Variants in LRP1B observed in about 807,000 individuals in gnomAD.
LRP1B encodes the protein LDL receptor related protein 1B.
LRP1B carries 217 observed loss-of-function variants against 556.6 expected under a neutral mutation model. That is an observed-to-expected ratio of 0.39 (90% CI 0.35 to 0.44). LRP1B has a LOEUF of 0.44. Among genes scored for constraint, LRP1B ranks in the 20% least tolerant of loss-of-function variants. The pLI, the probability that LRP1B is intolerant of heterozygous loss-of-function variation, is 1.00. For missense variants in LRP1B, 5,053 were observed against 5,620.8 expected (o/e 0.90, Z 3.23); for synonymous variants, 2,047 against 1,865.8 (o/e 1.10, Z -2.50).
intron 7 of LRP1B, among the ~76,000 whole-genome samples, chr2:141,090,934 T>C (rs1700156656): frequency 6.6e-6 from 1 of 152,208 alleles, no homozygotes; most frequent in African/African-American, 2.4e-5. Context: ...GAAGAAATGA[T>C]AAAAGGTTGT....
chr2:141,621,795 G>T (rs1209878711), intron 2 of LRP1B, among the ~76,000 whole-genome samples: 1 of 152,102 alleles, frequency 6.6e-6, no homozygotes, highest in Non-Finnish European at 1.5e-5. Flanking sequence ...GATTTTAGAG[G>T]AATAAGAAAA....
chr2:141,816,550 T>G (rs895428084), intron 1 of LRP1B, among the ~76,000 whole-genome samples: 1 of 152,156 alleles, frequency 6.6e-6, no homozygotes, highest in Non-Finnish European at 1.5e-5. Flanking sequence ...CACTATCAGC[T>G]TCCCTACTTT....
chr2:140,465,141 G>A (rs1054355811), intron 60 of LRP1B, among the ~76,000 whole-genome samples: 1 of 152,088 alleles, frequency 6.6e-6, no homozygotes, highest in African/African-American at 2.4e-5. Context: ...CATGACAGAG[G>A]AAGAAGGGGG....
intron 75 of LRP1B, among the ~76,000 whole-genome samples, chr2:140,354,594 T>C (rs193168218): frequency 5.4e-4 from 82 of 152,178 alleles, no homozygotes; most frequent in African/African-American, 1.9e-3. Flanking sequence ...CACTATGGTT[T>C]CCCTTTGGTA....
intron 35 of LRP1B, among the ~76,000 whole-genome samples, chr2:140,730,385 C>T (rs1687736809): frequency 6.6e-6 from 1 of 152,106 alleles, no homozygotes; most frequent in Non-Finnish European, 1.5e-5. Flanking sequence ...AGCATCCAAA[C>T]TTTTTTGATG....
intron 3 of LRP1B, among the ~76,000 whole-genome samples, chr2:141,421,890 T>C (rs906874477): frequency 3.3e-5 from 5 of 152,320 alleles, no homozygotes; most frequent in African/African-American, 1.2e-4. Flanking sequence ...CCTCAGTTTT[T>C]CCCAATTGAA....
At position 141,229,240 on chromosome 2, in the gene LRP1B, T is replaced by C; in HGVS notation, c.793A>G (p.Thr265Ala). 6.2e-7 allele frequency: 1 copy of C among 1,612,720 alleles called. No individual in the cohort carries two copies. Among genetic ancestry groups the C allele is most frequent in the Non-Finnish European group, 8.5e-7 (1 of 1,178,926 alleles). Residue 265 changes from threonine (T) to alanine (A), a missense_variant, in exon 6 of 91, where the codon ACA becomes GCA. Physicochemically the swap from Thr to Ala is moderately conservative, Grantham distance 58 (BLOSUM62 0). This residue lies in a region of LRP1B where 3,619 missense variants were observed against 3,931.9 expected (regional missense o/e 0.92). Transcript: ENST00000389484. ...TCATCTGTTAATCCTCCTGCTTTTG[T>C]TATCTGGATACATTTGAGTTGATTT... ...SSNQLKCIQI[T>A]KAGGLTDEWT...
At chr2:140,603,770 C>G (rs990178562) in intron 41 of LRP1B, among the ~76,000 whole-genome samples, 4 of 152,040 alleles carry the variant, frequency 2.6e-5, no homozygotes, top group African/African-American at 9.7e-5. Context: ...TAATAATGAT[C>G]TGTTGCTACA....
intron 83 of LRP1B, among the ~76,000 whole-genome samples, chr2:140,311,054 G>T (rs946795395): frequency 1.1e-4 from 16 of 151,750 alleles, no homozygotes; most frequent in Non-Finnish European, 2.2e-4. Context: ...AGAGACAAGG[G>T]AACACTTATA....
At chr2:140,732,813 G>A (rs1195633359) in intron 35 of LRP1B, among the ~76,000 whole-genome samples, 1 of 152,070 alleles carries the variant, frequency 6.6e-6, no homozygotes, top group East Asian at 1.9e-4. Context: ...ATCCCAGAGA[G>A]ATAAAAGGAA....
chr2:141,883,550 T>G (rs1428523954), intron 1 of LRP1B, among the ~76,000 whole-genome samples: 1 of 152,052 alleles, frequency 6.6e-6, no homozygotes. Flanking sequence ...CAAGACCCTG[T>G]CTCTACAGAA....
intron 3 of LRP1B, among the ~76,000 whole-genome samples, chr2:141,372,010 T>C (rs1353607418): frequency 3.3e-5 from 5 of 152,154 alleles, no homozygotes; most frequent in Admixed American, 3.3e-4. Context: ...GGGTTTGTCA[T>C]ATATGGCCTT....
At chr2:140,703,888 C>T (rs1686734441) in intron 37 of LRP1B, among the ~76,000 whole-genome samples, 1 of 152,112 alleles carries the variant, frequency 6.6e-6, no homozygotes, top group South Asian at 2.1e-4. Context: ...TGTACATTTT[C>T]TTTTTGCAGT....
intron 18 of LRP1B, among the ~76,000 whole-genome samples, chr2:140,975,196 G>T (rs12998565): frequency 0.7 from 106,825 of 151,992 alleles, 38,631 homozygotes; most frequent in Non-Finnish European, 0.78. Flanking sequence ...TGGTGAGAAT[G>T]AGAAGTTATG....
intron 2 of LRP1B, among the ~76,000 whole-genome samples, chr2:141,696,221 G>A (rs570325021): frequency 8.6e-5 from 13 of 151,998 alleles, no homozygotes; most frequent in South Asian, 4.1e-4. Context: ...GCTTAGAGTA[G>A]GAAGTACTAC....
chr2:140,925,400 A>G (rs1178513708), intron 20 of LRP1B, among the ~76,000 whole-genome samples: 1 of 152,166 alleles, frequency 6.6e-6, no homozygotes, highest in Non-Finnish European at 1.5e-5. Flanking sequence ...AGCTCTGTGC[A>G]TCACTCTATG....
At chr2:140,406,734 A>G (rs536540711) in intron 66 of LRP1B, among the ~76,000 whole-genome samples, 24 of 152,242 alleles carry the variant, frequency 1.6e-4, no homozygotes, top group South Asian at 1.0e-3. Context: ...TCATGGATGG[A>G]AAGAATGAAT....
At chr2:140,653,235 C>T (rs1684752438) in intron 41 of LRP1B, among the ~76,000 whole-genome samples, 1 of 151,974 alleles carries the variant, frequency 6.6e-6, no homozygotes, top group African/African-American at 2.4e-5. Flanking sequence ...ACCTCCCGGA[C>T]TATACAACAA....
chr2:140,558,750 G>A (rs913532045), intron 43 of LRP1B, among the ~76,000 whole-genome samples: 5 of 151,936 alleles, frequency 3.3e-5, no homozygotes, highest in Admixed American at 6.6e-5. Context: ...AACAGCCTGG[G>A]CAACATGGCA....
Sources: gnomAD v4.1 joint callset for allele counts (sites outside exome capture counted in the v4.1 genomes callset) on GRCh38, gnomAD v4.1.1 for gene constraint, gnomAD v4.1.1 regional missense constraint, MANE v1.5 for transcripts, NCBI Gene and HGNC (gene_info 2026-07-23, HGNC 2026-07-21) for gene names.